PTCD2: variants seen among roughly 807,000 people sequenced by gnomAD.
PTCD2 encodes pentatricopeptide repeat domain 2.
PTCD2 carries 31 observed loss-of-function variants against 42.6 expected under a neutral mutation model. The ratio of observed to expected loss-of-function variants is 0.73; its 90% CI spans 0.55 to 0.98. The LOEUF (loss-of-function observed/expected upper bound fraction) is 0.98. Ranked by LOEUF, PTCD2 falls within the 50% of genes least tolerant of loss-of-function variation. PTCD2 has a pLI of 0.00. For synonymous variants in PTCD2, 183 were observed against 170.9 expected (o/e 1.07, Z -0.55); for missense variants, 476 against 454.8 (o/e 1.05, Z -0.42).
chr5:72,334,985 T>G, intron 4 of PTCD2, 33 bp from the exon 5 acceptor site: 1 of 1,411,974 alleles, frequency 7.1e-7, no homozygotes, highest in South Asian at 1.2e-5. Flanking sequence ...TAGTTTTAAC[T>G]TTTAACCAAA....
Position 72,363,673 on chromosome 5 carries a change from T to G in PTCD2, c.*5246T>G, listed in dbSNP as rs1753141986. The stretch of plus-strand genomic sequence containing the variant: ...TCTCTACCATCTGCCCTACACATAA[T>G]AAGTACCCTTCCTCTGCTATTCTCT... On this transcript the variant is annotated 3_prime_UTR_variant, in exon 10 of 10. Coordinates refer to ENST00000380639, the MANE Select transcript of PTCD2 (RefSeq NM_024754.5). 6.6e-6 allele frequency: 1 copy of G among 152,232 alleles called. No individual in the cohort carries two copies. The highest frequency in any genetic ancestry group is 6.5e-5 in the Admixed American group (1 of 15,272). 9.4% of individuals were successfully genotyped at this position (152,232 alleles called of 1,614,324 possible). A position where few individuals can be genotyped will look rare whatever the true frequency, so the allele number is the denominator to read the frequency against.
Position 72,347,974 on chromosome 5 carries a change from AATC to A in PTCD2, c.829-4663_829-4661del, listed in dbSNP as rs1192397420. On this transcript the variant is annotated intron_variant, in intron 8 of 9. Transcript: ENST00000380639. ...TAACTTTGAAGTGATACTGAGTATGAATCATCCTCTCTGAACTGCGTCACAGAA... is the reference window on the plus strand; with the variant it reads ...TAACTTTGAAGTGATACTGAGTATGAATCCTCTCTGAACTGCGTCACAGAA... Among the ~76,000 whole-genome samples, 4 of 152,324 alleles carry A rather than the reference AATC, an allele frequency of 2.6e-5. No homozygotes were observed. The East Asian group carries it at 5.8e-4, about 22-fold the overall frequency.
chr5:72,334,288 G>C (rs192720604), intron 4 of PTCD2, among the ~76,000 whole-genome samples: 1 of 152,128 alleles, frequency 6.6e-6, no homozygotes, highest in African/African-American at 2.4e-5. Flanking sequence ...TGTATTATCC[G>C]TTGCCAAAAA....
rs1401607347 is a variant in PTCD2, at chr5:72,359,286, T to A, written c.*859T>A. 2 of 152,160 alleles carry A rather than the reference T, an allele frequency of 1.3e-5. No homozygotes were observed. The highest frequency in any genetic ancestry group is 2.9e-5 in the Non-Finnish European group (2 of 68,034). The allele number at this position is 152,160 out of a possible 1,614,324, so 9.4% of individuals were successfully genotyped here. ...TTGAATGCCTCATATTAAAAAAAAATGTGCCATGAGAGCAGTTCAAAGCTG... is the reference window on the plus strand; with the variant it reads ...TTGAATGCCTCATATTAAAAAAAAAAGTGCCATGAGAGCAGTTCAAAGCTG... On this transcript the variant is annotated 3_prime_UTR_variant, in exon 10 of 10. Transcript: ENST00000380639.
In PTCD2 at chr5:72,334,915, A is replaced by C. The variant is rs533803441; in HGVS notation, c.469-103A>C. On this transcript the variant is annotated intron_variant, in intron 4 of 9. Coordinates refer to ENST00000380639, the MANE Select transcript of PTCD2 (RefSeq NM_024754.5). ...AGAATTCAGAAGGCCAAATGAGTAA[A>C]GCATGCAGAATAATAAGACCTGGCT... The C allele has an allele frequency of 1.1e-4, 75 of 711,644 alleles. 1 individual carries two copies. In the East Asian group the frequency reaches 1.8e-3, roughly 17 times the overall value. 44.1% of individuals were successfully genotyped at this position (711,644 alleles called of 1,614,324 possible).
Position 72,335,917 on chromosome 5 carries a change from T to C in PTCD2, c.639+32T>C, listed in dbSNP as rs376727198. On this transcript the variant is annotated intron_variant, in intron 6 of 9. Transcript: ENST00000380639. Reference sequence around the variant, plus strand: ...CTCTTTCCTCTTAACTTTGAGAGCATTGTGTGTAGTCTTTGAGAGAGGATT... The same window carrying C: ...CTCTTTCCTCTTAACTTTGAGAGCACTGTGTGTAGTCTTTGAGAGAGGATT... The C allele has an allele frequency of 7.6e-6, 10 of 1,314,780 alleles. No homozygotes were observed. In the African/African-American group the frequency reaches 1.3e-4, roughly 17 times the overall value. The allele number at this position is 1,314,780 out of a possible 1,614,324, so 81.4% of individuals were successfully genotyped here.
At position 72,352,774 on chromosome 5, in the gene PTCD2, A is replaced by G. The variant is rs1243352966; in HGVS notation, c.942+20A>G. 1.7e-6 allele frequency: 2 copies of G among 1,204,764 alleles called. No individual in the cohort carries two copies. The highest frequency in any genetic ancestry group is 4.7e-5 in the East Asian group (2 of 42,678). 74.6% of individuals were successfully genotyped at this position (1,204,764 alleles called of 1,614,324 possible). On this transcript the variant is annotated intron_variant, in intron 9 of 9. Coordinates refer to ENST00000380639, the MANE Select transcript of PTCD2 (RefSeq NM_024754.5). ...GAAGTGGTGAGTATGCAAGTGCTGC[A>G]GAAATCATTTAAAAGTGAAAGGACA...
chr5:72,343,349 G>A (rs1451093807), intron 8 of PTCD2, among the ~76,000 whole-genome samples: 5 of 152,206 alleles, frequency 3.3e-5, no homozygotes, highest in Non-Finnish European at 5.9e-5. Context: ...GTAGGGAGGA[G>A]GAGGGGATGG....
chr5:72,329,612 T>C (rs1751325822), intron 3 of PTCD2, among the ~76,000 whole-genome samples: 1 of 152,220 alleles, frequency 6.6e-6, no homozygotes, highest in Non-Finnish European at 1.5e-5. Context: ...TGAAATATGT[T>C]GATTTTTGAA....
Position 72,338,829 on chromosome 5 carries a change from A to G in PTCD2, c.753+94A>G. Reference sequence around the variant, plus strand: ...CTTTTCCTTTTTTCCTTCTGACTGCATCGTAAAGAAGTAGTCACCATAAAG... The same window carrying G: ...CTTTTCCTTTTTTCCTTCTGACTGCGTCGTAAAGAAGTAGTCACCATAAAG... On this transcript the variant is annotated intron_variant, in intron 7 of 9. Coordinates refer to ENST00000380639, the MANE Select transcript of PTCD2 (RefSeq NM_024754.5). 7 of 679,066 alleles carry G rather than the reference A, an allele frequency of 1.0e-5. No individual in the cohort carries two copies. The South Asian group carries it at 1.4e-4, about 14-fold the overall frequency. 42.1% of individuals were successfully genotyped at this position (679,066 alleles called of 1,614,324 possible).
At chr5:72,325,984 CTGTT>C (rs1751113595) in intron 2 of PTCD2, among the ~76,000 whole-genome samples, 1 of 152,188 alleles carries the variant, frequency 6.6e-6, no homozygotes, top group Non-Finnish European at 1.5e-5. Context: ...CACTGAAAAA[CTGTT>C]TGCTGCTGTT....
rs1300087162 is a variant in PTCD2, at chr5:72,360,460, TC to T, written c.*2035del. 1 of 152,182 alleles carries T rather than the reference TC, an allele frequency of 6.6e-6. No homozygotes were observed. The highest frequency in any genetic ancestry group is 1.5e-5 in the Non-Finnish European group (1 of 68,032). The allele number at this position is 152,182 out of a possible 1,614,324, so 9.4% of individuals were successfully genotyped here. ...CTGCCCAGCCGACTGGAAAAACTGG[TC>T]CATTCCACCTGTTCCCAGAAACCTC... is the stretch of plus-strand genomic sequence containing the variant. On this transcript the variant is annotated 3_prime_UTR_variant, in exon 10 of 10. Transcript: ENST00000380639.
intron 4 of PTCD2, among the ~76,000 whole-genome samples, chr5:72,332,242 T>C (rs1485786338): frequency 6.6e-6 from 1 of 152,226 alleles, no homozygotes; most frequent in Non-Finnish European, 1.5e-5. Context: ...TCTCTGTACA[T>C]GGTGGGCATG....
At chr5:72,347,232 G>A (rs758257756) in intron 8 of PTCD2, among the ~76,000 whole-genome samples, 6 of 152,182 alleles carry the variant, frequency 3.9e-5, no homozygotes, top group Admixed American at 6.5e-5. Context: ...AAAAAGGTGC[G>A]TCTCTTTTAT....
At chr5:72,339,736 CTGTT>C (rs1300974780) in intron 7 of PTCD2, among the ~76,000 whole-genome samples, 1 of 140,802 alleles carries the variant, frequency 7.1e-6, no homozygotes, top group Non-Finnish European at 1.5e-5. Flanking sequence ...CTAAGTTACA[CTGTT>C]TGGTGCACAG....
chr5:72,322,226 A>C lies in PTCD2; in HGVS notation c.182A>C (p.Lys61Thr). The C allele has an allele frequency of 6.2e-7, 1 of 1,603,290 alleles. No homozygotes were observed. The highest frequency in any genetic ancestry group is 8.5e-7 in the Non-Finnish European group (1 of 1,170,518). ...NVVKLKEFQQ[K>T]KVAVACNLSG... is the part of the protein sequence containing the mutation. ...GTGAAATTAAAAGAATTTCAACAAA[A>C]GAAAGTGGCTGTTGCATGTAATCTT... The change falls in exon 2 of 10, where the codon AAG becomes ACG. Residue 61 changes from lysine (K) to threonine (T), a missense_variant. Lys to Thr is a moderately conservative substitution (Grantham distance 78). Coordinates refer to ENST00000380639, the MANE Select transcript of PTCD2 (RefSeq NM_024754.5).
intron 9 of PTCD2, among the ~76,000 whole-genome samples, chr5:72,354,351 T>C (rs2112229553): frequency 1.8e-5 from 2 of 112,790 alleles, no homozygotes; most frequent in Middle Eastern, 0.02. Flanking sequence ...GCCACTGCGC[T>C]CCAGCCTGGC....
chr5:72,346,810 A>G (rs1363482345), intron 8 of PTCD2, among the ~76,000 whole-genome samples: 1 of 152,198 alleles, frequency 6.6e-6, no homozygotes, highest in African/African-American at 2.4e-5. Context: ...AACTGCTGGG[A>G]TTAGCAAGAT....
chr5:72,364,915 G>A lies in PTCD2; in HGVS notation c.*6488G>A, dbSNP rs1161321850. On this transcript the variant is annotated 3_prime_UTR_variant, in exon 10 of 10. Coordinates refer to ENST00000380639, the MANE Select transcript of PTCD2 (RefSeq NM_024754.5). ...GCGAGGGGTTGGGGGAGTAGGCGGT[G>A]GGCACAACGGTTCCAGGTGACTTTC... 6.6e-6 allele frequency: 1 copy of A among 152,438 alleles called. No homozygotes were observed. Among genetic ancestry groups the A allele is most frequent in the East Asian group, 1.9e-4 (1 of 5,188 alleles). The allele number at this position is 152,438 out of a possible 1,614,324, so 9.4% of individuals were successfully genotyped here.
Sources: gnomAD v4.1 joint callset for allele counts (sites outside exome capture counted in the v4.1 genomes callset) on GRCh38, gnomAD v4.1.1 for gene constraint, MANE v1.5 for transcripts, NCBI Gene and HGNC (gene_info 2026-07-23, HGNC 2026-07-21) for gene names.